The following SNX13 variants were observed in gnomAD, a reference collection of about 807,000 sequenced individuals.
SNX13 encodes the protein sorting nexin 13.
A neutral mutation model predicts 133.6 loss-of-function variants in SNX13; 45 were observed. That is an observed-to-expected ratio of 0.34 (90% CI 0.27 to 0.43). The LOEUF is 0.43. Among genes scored for constraint, SNX13 ranks in the 20% least tolerant of loss-of-function variants. SNX13 has a pLI of 1.00. For missense variants in SNX13, 1,032 were observed against 1,145.1 expected, an observed-to-expected ratio of 0.90 and a Z score of 1.43; for synonymous variants, 414 against 373.9, an observed-to-expected ratio of 1.11 and a Z score of -1.24.
intron 20 of SNX13, among the ~76,000 whole-genome samples, chr7:17,806,129 C>A (rs1469434469): frequency 6.6e-6 from 1 of 152,142 alleles, no homozygotes; most frequent in Non-Finnish European, 1.5e-5. Flanking sequence ...ACCACCCCAG[C>A]TGAGTTATTT....
intron 5 of SNX13, chr7:17,888,462 C>G (rs1477518367): frequency 9.4e-6 from 2 of 212,040 alleles, no homozygotes. Flanking sequence ...GATAAATAAC[C>G]TAGATTATAA....
chr7:17,872,048 C>G (rs906121032), intron 8 of SNX13, among the ~76,000 whole-genome samples: 1 of 152,148 alleles, frequency 6.6e-6, no homozygotes, highest in Admixed American at 6.5e-5. Flanking sequence ...GTGAGTCACT[C>G]AAGTGGTGAT....
chr7:17,805,211 T>G (rs988445471), intron 20 of SNX13, among the ~76,000 whole-genome samples: 222 of 118,520 alleles, frequency 1.9e-3, no homozygotes, highest in African/African-American at 6.0e-3. Context: ...TAATGATTCT[T>G]TGTGTGTGTG....
At chr7:17,898,039 T>G (rs1022206745) in intron 1 of SNX13, among the ~76,000 whole-genome samples, 10 of 151,762 alleles carry the variant, frequency 6.6e-5, no homozygotes, top group African/African-American at 9.7e-5. Context: ...AAATTTACTA[T>G]GAGCTCAACA....
chr7:17,840,825 A>C (rs954755748), intron 12 of SNX13, among the ~76,000 whole-genome samples: 15 of 152,108 alleles, frequency 9.9e-5, no homozygotes, highest in East Asian at 3.9e-4. Flanking sequence ...CCAGAATTCT[A>C]TCTCTCCACC....
chr7:17,874,397 G>A (rs1204655418), intron 7 of SNX13, among the ~76,000 whole-genome samples: 1 of 152,156 alleles, frequency 6.6e-6, no homozygotes, highest in East Asian at 1.9e-4. Context: ...TTAACAGTGG[G>A]CTGTTAGTAT....
chr7:17,801,694 C>G, intron 21 of SNX13, 35 bp from the exon 22 acceptor site: 1 of 1,479,140 alleles, frequency 6.8e-7, no homozygotes, highest in Non-Finnish European at 9.3e-7. Flanking sequence ...AGTAAACACA[C>G]TAAAGCAGAC....
At chr7:17,814,238 A>C (rs1467465674) in intron 20 of SNX13, among the ~76,000 whole-genome samples, 1 of 152,150 alleles carries the variant, frequency 6.6e-6, no homozygotes, top group Admixed American at 6.5e-5. Context: ...GAAGTACCAA[A>C]GGTTCAGTAA....
chr7:17,935,708 G>A (rs976249041), intron 1 of SNX13, among the ~76,000 whole-genome samples: 1 of 152,082 alleles, frequency 6.6e-6, no homozygotes, highest in Non-Finnish European at 1.5e-5. Flanking sequence ...TGTGTGTAGA[G>A]TGGCAAGCCA....
At chr7:17,930,645 T>C (rs944079485) in intron 1 of SNX13, among the ~76,000 whole-genome samples, 1 of 152,204 alleles carries the variant, frequency 6.6e-6, no homozygotes, top group East Asian at 1.9e-4. Context: ...ATACTCACTA[T>C]TTGGAAAGTA....
chr7:17,882,853 T>G (rs1483483788), intron 5 of SNX13: 1 of 1,283,784 alleles, frequency 7.8e-7, no homozygotes, highest in South Asian at 1.3e-5. Context: ...AGACCAAGGT[T>G]TTGTTAAACA....
intron 1 of SNX13, among the ~76,000 whole-genome samples, chr7:17,914,127 G>GAA (rs60900377): frequency 0.44 from 65,929 of 149,744 alleles, 14,879 homozygotes; most frequent in South Asian, 0.66. Flanking sequence ...CCAAGCAGAA[G>GAA]AGAGTTTCAA....
At chr7:17,899,042 T>C (rs965408279) in intron 1 of SNX13, 3 of 152,184 alleles carry the variant, frequency 2.0e-5, no homozygotes, top group Non-Finnish European at 4.4e-5. Context: ...AGCGGGTAAG[T>C]AGGACATAGT....
chr7:17,920,357 A>G (rs528929681), intron 1 of SNX13, among the ~76,000 whole-genome samples: 1 of 152,282 alleles, frequency 6.6e-6, no homozygotes, highest in Admixed American at 6.5e-5. Context: ...CCAAAAATAT[A>G]TTTGAATATT....
intron 25 of SNX13, 130 bp from the exon 26 acceptor site, chr7:17,794,422 A>C (rs1464264369): frequency 2.7e-6 from 3 of 1,131,720 alleles, no homozygotes; most frequent in African/African-American, 1.6e-5. Flanking sequence ...AATGCATTTC[A>C]GCTATGTACT....
chr7:17,864,955 G>C (rs1022143055), intron 9 of SNX13, among the ~76,000 whole-genome samples: 5 of 151,976 alleles, frequency 3.3e-5, no homozygotes, highest in African/African-American at 1.2e-4. Flanking sequence ...TACATTCAAA[G>C]TGCTGAAGGA....
chr7:17,931,726 A>T (rs1801408525), intron 1 of SNX13, among the ~76,000 whole-genome samples: 2 of 152,250 alleles, frequency 1.3e-5, no homozygotes, highest in African/African-American at 2.4e-5. Context: ...ATCAGAGAAA[A>T]CAGTGCAATA....
At chr7:17,931,482 C>A (rs1306407035) in intron 1 of SNX13, among the ~76,000 whole-genome samples, 3 of 152,184 alleles carry the variant, frequency 2.0e-5, no homozygotes, top group Non-Finnish European at 4.4e-5. Context: ...AGGCCATTCT[C>A]CACAACTCTA....
At chr7:17,887,141 G>A (rs908263012) in intron 5 of SNX13, among the ~76,000 whole-genome samples, 5 of 152,116 alleles carry the variant, frequency 3.3e-5, no homozygotes, top group African/African-American at 9.7e-5. Context: ...TTTACTGGTT[G>A]GCAAATACTT....
Sources: gnomAD v4.1 joint callset for allele counts (sites outside exome capture counted in the v4.1 genomes callset) on GRCh38, gnomAD v4.1.1 for gene constraint, MANE v1.5 for transcripts, NCBI Gene and HGNC (gene_info 2026-07-23, HGNC 2026-07-21) for gene names.